Variants in SCFD2 observed in about 807,000 individuals in gnomAD.
SCFD2 encodes the protein sec1 family domain-containing protein 2.
Under a neutral mutation model 58.9 loss-of-function variants are expected in SCFD2, and 54 were observed. The ratio of observed to expected loss-of-function variants is 0.92; its 90% CI spans 0.74 to 1.15. The LOEUF is 1.15. Ranked by LOEUF, SCFD2 falls within the 50% of genes most tolerant of loss-of-function variation. The pLI, the probability that SCFD2 is intolerant of heterozygous loss-of-function variation, is 0.00. For missense variants in SCFD2, 805 were observed against 836.6 expected (o/e 0.96, Z 0.47); for synonymous variants, 321 against 335.9 (o/e 0.96, Z 0.49).
intron 4 of SCFD2, among the ~76,000 whole-genome samples, chr4:53,168,694 T>C (rs1727086412): frequency 6.6e-6 from 1 of 152,212 alleles, no homozygotes; most frequent in African/African-American, 2.4e-5. Context: ...TGTGAAATTA[T>C]TAAATCAAGT....
intron 1 of SCFD2, among the ~76,000 whole-genome samples, chr4:53,359,730 C>T (rs1448184151): frequency 6.6e-6 from 1 of 152,194 alleles, no homozygotes; most frequent in Non-Finnish European, 1.5e-5. Context: ...TAGTCATGAG[C>T]TTCCCAGCTC....
chr4:53,048,800 G>C (rs1723112183), intron 5 of SCFD2, among the ~76,000 whole-genome samples: 1 of 152,064 alleles, frequency 6.6e-6, no homozygotes, highest in Non-Finnish European at 1.5e-5. Context: ...CCAACTCCCA[G>C]TGCCCCTTCT....
chr4:53,124,747 C>T (rs542622356), intron 5 of SCFD2, among the ~76,000 whole-genome samples: 1 of 152,152 alleles, frequency 6.6e-6, no homozygotes, highest in East Asian at 1.9e-4. Context: ...TAAACCAAAT[C>T]AGAAGAGAAA....
At chr4:52,971,631 G>A (rs1288332357) in intron 5 of SCFD2, among the ~76,000 whole-genome samples, 1 of 152,126 alleles carries the variant, frequency 6.6e-6, no homozygotes, top group African/African-American at 2.4e-5. Flanking sequence ...ATCTAGCAAG[G>A]CAGGCCAACA....
At chr4:53,331,778 A>G (rs1733480997) in intron 2 of SCFD2, among the ~76,000 whole-genome samples, 1 of 152,214 alleles carries the variant, frequency 6.6e-6, no homozygotes, top group African/African-American at 2.4e-5. Context: ...GAGACACAAA[A>G]AACCCTTCAA....
At chr4:53,253,071 G>A (rs1730459668) in intron 4 of SCFD2, among the ~76,000 whole-genome samples, 1 of 152,080 alleles carries the variant, frequency 6.6e-6, no homozygotes, top group South Asian at 2.1e-4. Flanking sequence ...ACCAAAAAGT[G>A]GAAAAAGGAT....
In SCFD2 at chr4:53,339,329, A is replaced by C. The variant is rs535476939; in HGVS notation, c.1007+13269T>G. Among the ~76,000 whole-genome samples the C allele has an allele frequency of 1.4e-3, 218 of 150,700 alleles. 3 individuals are homozygous for C. Among genetic ancestry groups the C allele is most frequent in the Middle Eastern group, 3.5e-3 (1 of 282 alleles). ...TAAGTTATTACATGTTATTACATAT[A>C]TATGTATACATATTATATGTAAATG... On this transcript the variant is annotated intron_variant, in intron 2 of 8. Coordinates refer to ENST00000401642, the MANE Select transcript of SCFD2 (RefSeq NM_152540.4).
chr4:53,061,575 G>T (rs1723512667), intron 5 of SCFD2, among the ~76,000 whole-genome samples: 1 of 152,160 alleles, frequency 6.6e-6, no homozygotes, highest in Admixed American at 6.5e-5. Flanking sequence ...TTAAGAGTAT[G>T]GCAGGCCCTT....
intron 8 of SCFD2, among the ~76,000 whole-genome samples, chr4:52,881,205 A>G (rs375908817): frequency 1.3e-5 from 2 of 152,204 alleles, no homozygotes; most frequent in South Asian, 4.1e-4. Flanking sequence ...CCTATGTTTC[A>G]TGCTATTCTT....
intron 5 of SCFD2, among the ~76,000 whole-genome samples, chr4:52,981,417 A>G (rs1721372398): frequency 6.6e-6 from 1 of 152,192 alleles, no homozygotes. Context: ...TGTATGTCTC[A>G]GTTTCAAAGC....
At chr4:53,212,577 T>TGA in intron 4 of SCFD2, among the ~76,000 whole-genome samples, 1 of 43,122 alleles carries the variant, frequency 2.3e-5, no homozygotes. Context: ...AGTGAGCACG[T>TGA]GTGTGTGTGT....
At chr4:53,105,221 C>T (rs1157181387) in intron 5 of SCFD2, among the ~76,000 whole-genome samples, 1 of 152,166 alleles carries the variant, frequency 6.6e-6, no homozygotes, top group South Asian at 2.1e-4. Flanking sequence ...CGTGCCTACA[C>T]CACCAGTGCC....
At chr4:53,252,058 A>G (rs36151346) in intron 4 of SCFD2, among the ~76,000 whole-genome samples, 29,421 of 151,586 alleles carry the variant, frequency 0.19, 3,063 homozygotes, top group Non-Finnish European at 0.24. Flanking sequence ...AAATCAATGT[A>G]CAAAAATCAC....
At chr4:52,886,377 T>C (rs1718741773) in intron 7 of SCFD2, among the ~76,000 whole-genome samples, 1 of 152,224 alleles carries the variant, frequency 6.6e-6, no homozygotes, top group South Asian at 2.1e-4. Flanking sequence ...TGTTGTTCAA[T>C]AAAATTCTTC....
intron 5 of SCFD2, among the ~76,000 whole-genome samples, chr4:52,967,866 C>T (rs1446250578): frequency 6.6e-6 from 1 of 152,162 alleles, no homozygotes; most frequent in Admixed American, 6.5e-5. Flanking sequence ...CCTTTTTCCC[C>T]TCCCTATGTC....
intron 2 of SCFD2, among the ~76,000 whole-genome samples, chr4:53,342,577 G>A (rs1416954189): frequency 6.6e-6 from 1 of 152,158 alleles, no homozygotes; most frequent in African/African-American, 2.4e-5. Flanking sequence ...AGGATATCCA[G>A]GAATTGAACT....
chr4:52,919,714 T>C (rs1048992983), intron 6 of SCFD2, among the ~76,000 whole-genome samples: 19 of 152,220 alleles, frequency 1.2e-4, no homozygotes, highest in African/African-American at 4.6e-4. Context: ...GCATAACTTG[T>C]GGCAATCAAA....
chr4:52,887,896 C>CTTTTTTTTTTT (rs71195133), intron 7 of SCFD2, among the ~76,000 whole-genome samples: 3 of 81,648 alleles, frequency 3.7e-5, no homozygotes, highest in Admixed American at 1.6e-4. Context: ...ACATCTTATT[C>CTTTTTTTTTTT]TTTTTTTTTT....
At chr4:53,307,744 T>A (rs1453666151) in intron 3 of SCFD2, among the ~76,000 whole-genome samples, 2 of 152,104 alleles carry the variant, frequency 1.3e-5, no homozygotes, top group Non-Finnish European at 2.9e-5. Context: ...TTGGCTGGGG[T>A]GGTACCTCTG....
Sources: allele counts gnomAD v4.1 joint callset (sites outside exome capture counted in the v4.1 genomes callset), GRCh38; gene constraint gnomAD v4.1.1; transcripts MANE v1.5; gene names NCBI Gene and HGNC (gene_info 2026-07-23, HGNC 2026-07-21).